The following B4GALT5 variants were observed in gnomAD, a reference collection of about 807,000 sequenced individuals.
The protein encoded by B4GALT5 is beta-1,4-galactosyltransferase 5.
Under a neutral mutation model 45.0 loss-of-function variants are expected in B4GALT5, and 11 were observed. The ratio of observed to expected loss-of-function variants is 0.24; its 90% CI spans 0.15 to 0.40. The LOEUF (loss-of-function observed/expected upper bound fraction) is 0.40. B4GALT5 is among the 10% of genes least tolerant of loss of function. B4GALT5 has a pLI of 1.00. For missense variants in B4GALT5, 337 were observed against 500.2 expected (o/e 0.67, Z 3.11); for synonymous variants, 185 against 182.9 (o/e 1.01, Z -0.09).
intron 1 of B4GALT5, among the ~76,000 whole-genome samples, chr20:49,677,713 G>T (rs1391246145): frequency 2.6e-5 from 4 of 152,148 alleles, no homozygotes; most frequent in African/African-American, 9.7e-5. Context: ...ATCTGTATTT[G>T]GCTGTGAGAG....
chr20:49,687,882 A>G (rs2085793324), intron 1 of B4GALT5, among the ~76,000 whole-genome samples: 1 of 152,010 alleles, frequency 6.6e-6, no homozygotes, highest in Non-Finnish European at 1.5e-5. Context: ...AGAAAATTAA[A>G]AAAAAAAAAA....
At chr20:49,656,879 T>C (rs1041974669) in intron 1 of B4GALT5, among the ~76,000 whole-genome samples, 177 bp from the exon 2 acceptor site, 27 of 152,122 alleles carry the variant, frequency 1.8e-4, no homozygotes, top group African/African-American at 6.5e-4. Context: ...CCAACATCTT[T>C]TGGGTAGCTA....
chr20:49,634,210 C>A lies in B4GALT5; in HGVS notation c.*2102G>T, dbSNP rs235032. 0.51 allele frequency: 78,270 copies of A among 152,134 alleles called. 20,493 individuals carry two copies. The highest frequency in any genetic ancestry group is 0.68 in the South Asian group (3,292 of 4,810). The allele number at this position is 152,134 out of a possible 1,614,324, so 9.4% of individuals were successfully genotyped here. A position where few individuals can be genotyped will look rare whatever the true frequency, so the allele number is the denominator to read the frequency against. On this transcript the variant is annotated 3_prime_UTR_variant, in exon 9 of 9. Coordinates refer to ENST00000371711, the MANE Select transcript of B4GALT5 (RefSeq NM_004776.4). ...ACAAAAACACAAACAAACAAACAAA[C>A]AAAACAAGGCCTGGCCAATCACTCC... is the stretch of plus-strand genomic sequence containing the variant.
chr20:49,660,911 G>A (rs1234626462), intron 1 of B4GALT5, among the ~76,000 whole-genome samples: 1 of 152,186 alleles, frequency 6.6e-6, no homozygotes, highest in Non-Finnish European at 1.5e-5. Flanking sequence ...AGTGAACCAT[G>A]ATCGTGCCAC....
intron 1 of B4GALT5, among the ~76,000 whole-genome samples, chr20:49,662,785 T>A (rs2085670538): frequency 6.6e-6 from 1 of 152,194 alleles, no homozygotes; most frequent in African/African-American, 2.4e-5. Context: ...CATACTATAA[T>A]GCACAAGTTT....
chr20:49,672,964 A>T (rs1462519285), intron 1 of B4GALT5, among the ~76,000 whole-genome samples: 1 of 152,238 alleles, frequency 6.6e-6, no homozygotes, highest in East Asian at 1.9e-4. Flanking sequence ...GTACCACTTA[A>T]CCAAGTGCCC....
intron 1 of B4GALT5, among the ~76,000 whole-genome samples, chr20:49,690,432 C>G (rs1295473150): frequency 7.9e-5 from 12 of 151,636 alleles, no homozygotes; most frequent in Admixed American, 7.9e-4. Context: ...GCCTGTAATC[C>G]CAGCTACTCG....
chr20:49,651,606 T>C (rs1032254673), intron 2 of B4GALT5, among the ~76,000 whole-genome samples: 2 of 149,868 alleles, frequency 1.3e-5, no homozygotes, highest in Non-Finnish European at 3.0e-5. Flanking sequence ...AAAAAGAAGA[T>C]AGATAGATAG....
At chr20:49,710,405 C>CTCTTTTT (rs60154358) in intron 1 of B4GALT5, among the ~76,000 whole-genome samples, 31 of 102,432 alleles carry the variant, frequency 3.0e-4, no homozygotes, top group African/African-American at 8.5e-4. Context: ...TTTTCTCTCT[C>CTCTTTTT]TTTTTTTTTT....
At chr20:49,704,188 T>C (rs1266003738) in intron 1 of B4GALT5, among the ~76,000 whole-genome samples, 1 of 152,140 alleles carries the variant, frequency 6.6e-6, no homozygotes, top group Non-Finnish European at 1.5e-5. Context: ...AATGGGATAA[T>C]GAGCAGCTCT....
intron 1 of B4GALT5, among the ~76,000 whole-genome samples, chr20:49,692,093 T>C (rs754406046): frequency 6.6e-6 from 1 of 152,044 alleles, no homozygotes; most frequent in Non-Finnish European, 1.5e-5. Context: ...ATTCAACCAT[T>C]TAAAAACTAT....
At chr20:49,643,150 G>A (rs1458956866) in intron 4 of B4GALT5, among the ~76,000 whole-genome samples, 1 of 152,186 alleles carries the variant, frequency 6.6e-6, no homozygotes, top group Non-Finnish European at 1.5e-5. Context: ...AAATCTCAAT[G>A]TCAAGCCAGG....
At chr20:49,685,793 C>A (rs2085782615) in intron 1 of B4GALT5, among the ~76,000 whole-genome samples, 1 of 152,014 alleles carries the variant, frequency 6.6e-6, no homozygotes, top group South Asian at 2.1e-4. Context: ...TAAGAGCTTT[C>A]AAAAACCTCA....
chr20:49,639,457 G>T (rs1199853115), intron 7 of B4GALT5, among the ~76,000 whole-genome samples: 3 of 152,010 alleles, frequency 2.0e-5, no homozygotes, highest in African/African-American at 7.3e-5. Context: ...TCGAACTCCC[G>T]GGCTCAAGTG....
At chr20:49,661,512 G>A (rs2085664792) in intron 1 of B4GALT5, among the ~76,000 whole-genome samples, 1 of 152,222 alleles carries the variant, frequency 6.6e-6, no homozygotes, top group Non-Finnish European at 1.5e-5. Flanking sequence ...TGGGATTACA[G>A]ACGTGAGCCA....
chr20:49,711,245 C>T (rs1482895195), intron 1 of B4GALT5, among the ~76,000 whole-genome samples: 1 of 152,236 alleles, frequency 6.6e-6, no homozygotes, highest in East Asian at 1.9e-4. Flanking sequence ...AATGTAAGTG[C>T]TCTGCCTCTT....
intron 2 of B4GALT5, among the ~76,000 whole-genome samples, chr20:49,649,584 A>T (rs1336941565): frequency 2.0e-5 from 3 of 152,130 alleles, no homozygotes; most frequent in Non-Finnish European, 4.4e-5. Context: ...TATCTTAAAA[A>T]AAAACAAAAA....
In B4GALT5 at chr20:49,643,626, C is replaced by T. The variant is rs2085586214; in HGVS notation, c.389G>A (p.Ser130Asn). 6.2e-7 allele frequency: 1 copy of T among 1,613,942 alleles called. No individual in the cohort carries two copies. The highest frequency in any genetic ancestry group is 8.5e-7 in the Non-Finnish European group (1 of 1,179,920). Residue 130 changes from serine to asparagine, a missense_variant, in exon 4 of 9, where the codon AGT becomes AAT. This residue lies in a region of B4GALT5 where 174 missense variants were observed against 207.4 expected (regional missense o/e 0.84). Coordinates refer to ENST00000371711, the MANE Select transcript of B4GALT5 (RefSeq NM_004776.4). ...SMKGPIDINMSEIGMDYIHEL... is the reference protein window; with the variant it reads ...SMKGPIDINMNEIGMDYIHEL... ...ATGAATGTAATCCATTCCAATTTCA[C>T]TCATGTTTATGTCTATTGGGCCCTC...
chr20:49,677,491 G>A (rs1256401329), intron 1 of B4GALT5, among the ~76,000 whole-genome samples: 1 of 152,134 alleles, frequency 6.6e-6, no homozygotes, highest in East Asian at 1.9e-4. Context: ...AGAAATGCTA[G>A]GTGCAAACAT....
Sources: allele counts gnomAD v4.1 joint callset (sites outside exome capture counted in the v4.1 genomes callset), GRCh38; gene constraint gnomAD v4.1.1; regional missense constraint gnomAD v4.1.1; transcripts MANE v1.5; gene names NCBI Gene and HGNC (gene_info 2026-07-23, HGNC 2026-07-21).